The following IMPG1 variants were observed in gnomAD, a reference collection of about 807,000 sequenced individuals.
The protein encoded by IMPG1 is interphotoreceptor matrix proteoglycan of 150 kDa.
IMPG1 carries 85 observed loss-of-function variants against 92.0 expected under a neutral mutation model. That is an observed-to-expected ratio of 0.92 (90% confidence interval 0.78 to 1.11). The LOEUF (loss-of-function observed/expected upper bound fraction) is 1.11, where lower values mean the gene tolerates loss of function less well. Among genes scored for constraint, IMPG1 ranks in the 50% least tolerant of loss-of-function variants. The pLI is 0.00. For synonymous variants in IMPG1, 367 were observed against 334.1 expected (o/e 1.10, Z -1.08); for missense variants, 1,022 against 956.0 (o/e 1.07, Z -0.91).
At chr6:76,068,375 C>A (rs184795526) in intron 1 of IMPG1, among the ~76,000 whole-genome samples, 2 of 152,174 alleles carry the variant, frequency 1.3e-5, no homozygotes, top group African/African-American at 2.4e-5. Flanking sequence ...ATATCAGTAG[C>A]ATTTCTACAC....
intron 4 of IMPG1, among the ~76,000 whole-genome samples, chr6:76,033,341 A>G (rs981435711): frequency 6.6e-6 from 1 of 152,308 alleles, no homozygotes; most frequent in East Asian, 1.9e-4. Flanking sequence ...TGCAGTTCTT[A>G]CCACTCAGCC....
intron 1 of IMPG1, among the ~76,000 whole-genome samples, chr6:76,048,367 A>T (rs1408823291): frequency 6.6e-6 from 1 of 152,160 alleles, no homozygotes; most frequent in Non-Finnish European, 1.5e-5. Context: ...CTCTTAGCTG[A>T]TGAGTTTGCT....
chr6:76,009,899 T>G (rs981014180), intron 8 of IMPG1, among the ~76,000 whole-genome samples: 4 of 152,254 alleles, frequency 2.6e-5, no homozygotes, highest in Non-Finnish European at 5.9e-5. Flanking sequence ...ATTAAAAATT[T>G]GTTCTTCCAC....
intron 12 of IMPG1, among the ~76,000 whole-genome samples, chr6:75,997,787 C>T (rs1463572849): frequency 6.6e-6 from 1 of 152,136 alleles, no homozygotes; most frequent in East Asian, 1.9e-4. Context: ...GGAATAAGAA[C>T]ATATCTTTTT....
intron 5 of IMPG1, among the ~76,000 whole-genome samples, chr6:76,023,632 C>G (rs565962912): frequency 6.6e-6 from 1 of 152,066 alleles, no homozygotes; most frequent in East Asian, 1.9e-4. Context: ...CTGGAGGTGT[C>G]CAGAAGTACT....
At position 75,974,404 on chromosome 6, in the gene IMPG1, C is replaced by CCTTCCTTCCTTCCTTG. The variant is rs1562354939; in HGVS notation, c.1292-23311_1292-23310insCAAGGAAGGAAGGAAG. Among the ~76,000 whole-genome samples, 1,036 of 107,414 alleles carry CCTTCCTTCCTTCCTTG rather than the reference C, an allele frequency of 9.6e-3. 11 individuals are homozygous for CCTTCCTTCCTTCCTTG. The highest frequency in any genetic ancestry group is 0.018 in the Middle Eastern group (4 of 220). 70.5% of individuals were successfully genotyped at this position (107,414 alleles called of 152,430 possible). Reference sequence around the variant, plus strand: ...CTTTCTTTCTTTCTTTTCTTTCTTTCCTTCCTTCCTTCCTTCCTTCCTTGC... The same window carrying CCTTCCTTCCTTCCTTG: ...CTTTCTTTCTTTCTTTTCTTTCTTTCCTTCCTTCCTTCCTTGCTTCCTTCCTTCCTTCCTTCCTTGC... On this transcript the variant is annotated intron_variant, in intron 12 of 16. Transcript: ENST00000369950.
At position 76,018,757 on chromosome 6, in the gene IMPG1, G is replaced by T; in HGVS notation, c.768C>A (p.Ser256=). Residue 256 remains serine, a synonymous_variant, in exon 7 of 17, where the codon TCC becomes TCA. Coordinates refer to ENST00000369950, the MANE Select transcript of IMPG1 (RefSeq NM_001563.4). ...TTCCTGCTAGCTCCTGGTAATATGG[G>T]GACTGGGAGTCAGCGAGCTCTGCCT... The part of the protein sequence containing the change: ...KFKAELADSQ[S]PYYQELAGKS... 1 of 1,613,374 alleles carries T rather than the reference G, an allele frequency of 6.2e-7. No homozygotes were observed. Among genetic ancestry groups the T allele is most frequent in the East Asian group, 2.2e-5 (1 of 44,840 alleles).
In IMPG1 at chr6:76,034,632, G is replaced by T; in HGVS notation, c.457C>A (p.Leu153Ile). The T allele has an allele frequency of 6.2e-7, 1 of 1,614,128 alleles. No individual in the cohort carries two copies. The highest frequency in any genetic ancestry group is 8.5e-7 in the Non-Finnish European group (1 of 1,179,978). ...NFSNSQEHLDLLQQRIKQRSF... is the reference protein window; with the variant it reads ...NFSNSQEHLDILQQRIKQRSF... Reference sequence around the variant, plus strand: ...GTGTTTAGGCTCACCTGCTGGAGAAGATCCAGGTGCTCCTGGGAATTGCTG... The same window carrying T: ...GTGTTTAGGCTCACCTGCTGGAGAATATCCAGGTGCTCCTGGGAATTGCTG... Residue 153 changes from leucine (L) to isoleucine (I), a missense_variant, in exon 3 of 17, where the codon CTT becomes ATT. This residue lies in a region of IMPG1 where 681 missense variants were observed against 583.6 expected (regional missense o/e 1.17). Coordinates refer to ENST00000369950, the MANE Select transcript of IMPG1 (RefSeq NM_001563.4).
At chr6:75,984,995 T>C (rs1782689782) in intron 12 of IMPG1, among the ~76,000 whole-genome samples, 1 of 152,214 alleles carries the variant, frequency 6.6e-6, no homozygotes. Context: ...GCCAATTTAA[T>C]CTCTTTTCTT....
At chr6:76,037,263 C>A (rs1036949489) in intron 2 of IMPG1, among the ~76,000 whole-genome samples, 1 of 152,168 alleles carries the variant, frequency 6.6e-6, no homozygotes, top group Non-Finnish European at 1.5e-5. Flanking sequence ...AATTCCAGAT[C>A]AACAGAAGCT....
chr6:76,042,013 A>G lies in IMPG1; in HGVS notation c.181T>C (p.Phe61Leu). 6.2e-7 allele frequency: 1 copy of G among 1,613,500 alleles called. No individual in the cohort carries two copies. The highest frequency in any genetic ancestry group is 8.5e-7 in the Non-Finnish European group (1 of 1,179,428). The change falls in exon 2 of 17, where the codon TTC becomes CTC. Residue 61 changes from phenylalanine to leucine, a missense_variant. Physicochemically the swap from Phe to Leu is conservative, Grantham distance 22. Coordinates refer to ENST00000369950, the MANE Select transcript of IMPG1 (RefSeq NM_001563.4). The part of the protein sequence containing the change: ...MYKMSTMRRI[F>L]DLAKHRTKRS... ...TTTGTTCGATGCTTTGCCAAATCGA[A>G]TATTCGTCTCATAGTTGACATTTTG...
At chr6:76,060,068 C>A (rs1784179762) in intron 1 of IMPG1, among the ~76,000 whole-genome samples, 1 of 152,114 alleles carries the variant, frequency 6.6e-6, no homozygotes. Flanking sequence ...CACAAAATTT[C>A]TTTTGGTTTA....
intron 14 of IMPG1, among the ~76,000 whole-genome samples, chr6:75,935,219 A>C (rs2149451850): frequency 6.6e-6 from 1 of 152,324 alleles, no homozygotes. Flanking sequence ...CGAGGTCTGC[A>C]AGGGATTCAC....
chr6:75,936,357 A>G (rs1163379403), intron 14 of IMPG1, among the ~76,000 whole-genome samples: 2 of 152,206 alleles, frequency 1.3e-5, no homozygotes, highest in Non-Finnish European at 2.9e-5. Flanking sequence ...CTTAAAATAT[A>G]TATGTTTAAG....
In IMPG1 at chr6:76,072,596, T is replaced by C; in HGVS notation, c.-108A>G. On this transcript the variant is annotated 5_prime_UTR_variant, in exon 1 of 17. Coordinates refer to ENST00000369950, the MANE Select transcript of IMPG1 (RefSeq NM_001563.4). Reference sequence around the variant, plus strand: ...ATAATTATATATTGATACCAGATGATTGAGGATAACCTTCTTGGTTTACCT... The same window carrying C: ...ATAATTATATATTGATACCAGATGACTGAGGATAACCTTCTTGGTTTACCT... 1 of 647,186 alleles carries C rather than the reference T, an allele frequency of 1.5e-6. No homozygotes were observed. The highest frequency in any genetic ancestry group is 3.0e-5 in the East Asian group (1 of 33,874). 40.1% of individuals were successfully genotyped at this position (647,186 alleles called of 1,614,324 possible).
chr6:76,047,247 A>G lies in IMPG1; in HGVS notation c.68-5121T>C, dbSNP rs529006900. ...TGCTCATCTTGTGTTTGTCTTTCAT[A>G]TGGGAGGGCCCTTCTCTTCCTTCTC... On this transcript the variant is annotated intron_variant, in intron 1 of 16. Transcript: ENST00000369950. 1.6e-4 allele frequency among the ~76,000 whole-genome samples: 24 copies of G among 152,200 alleles called. No homozygotes were observed. In the Middle Eastern group the frequency reaches 0.01, roughly 65 times the overall value.
chr6:76,002,163 T>C (rs1291276665), intron 12 of IMPG1, among the ~76,000 whole-genome samples: 7 of 152,174 alleles, frequency 4.6e-5, no homozygotes, highest in South Asian at 4.1e-4. Context: ...TTTTTACTTG[T>C]AGTTTTACCA....
At chr6:75,956,997 G>C (rs1429246631) in intron 12 of IMPG1, among the ~76,000 whole-genome samples, 1 of 152,110 alleles carries the variant, frequency 6.6e-6, no homozygotes, top group Non-Finnish European at 1.5e-5. Flanking sequence ...TCAGCTCACT[G>C]CAACTTCTGC....
At chr6:76,022,451 G>A (rs1442449124) in intron 5 of IMPG1, among the ~76,000 whole-genome samples, 1 of 152,028 alleles carries the variant, frequency 6.6e-6, no homozygotes, top group East Asian at 1.9e-4. Flanking sequence ...GTGCTTCCCT[G>A]TATGTGTTAT....
Sources: allele counts gnomAD v4.1 joint callset (sites outside exome capture counted in the v4.1 genomes callset), GRCh38; gene constraint gnomAD v4.1.1; regional missense constraint gnomAD v4.1.1; transcripts MANE v1.5; gene names NCBI Gene and HGNC (gene_info 2026-07-23, HGNC 2026-07-21).